The following RP1L1 variants were observed in gnomAD, a reference collection of about 807,000 sequenced individuals.
RP1L1 encodes the protein RP1 like 1, also known as retinitis pigmentosa 1-like 1 protein.
Under a neutral mutation model 15.7 loss-of-function variants are expected in RP1L1, and 27 were observed. The ratio of observed to expected loss-of-function variants is 1.72; its 90% CI spans 1.27 to 2.38. The LOEUF (loss-of-function observed/expected upper bound fraction) is 2.38. RP1L1 is among the 30% of genes most tolerant of loss of function. The pLI is 0.00. For synonymous variants in RP1L1, 1,813 were observed against 1,276.7 expected (o/e 1.42, Z -8.96); for missense variants, 4,798 against 3,075.9 (o/e 1.56, Z -13.24).
At chr8:10,645,845 C>G (rs1003432632) in intron 1 of RP1L1, among the ~76,000 whole-genome samples, 12 of 151,930 alleles carry the variant, frequency 7.9e-5, no homozygotes, top group African/African-American at 2.4e-4. Context: ...GAACCCTGCA[C>G]CAGGCTCCAC....
intron 2 of RP1L1, among the ~76,000 whole-genome samples, chr8:10,622,209 T>C (rs1003409132): frequency 1.3e-5 from 2 of 151,698 alleles, no homozygotes; most frequent in Middle Eastern, 3.2e-3. Context: ...TAATCCCAGC[T>C]ACTCAGAGGC....
rs771490489 is a variant in RP1L1 at position 10,616,603 on chromosome 8, G to A, written c.610-16C>T. ...GCGAGTCCACCTGAGGGAGGAGCGGGCGGGGTCAGGAGGCCTGGGCTGCAG... is the reference window on the plus strand; with the variant it reads ...GCGAGTCCACCTGAGGGAGGAGCGGACGGGGTCAGGAGGCCTGGGCTGCAG... On this transcript the variant is annotated splice_polypyrimidine_tract_variant and intron_variant, in intron 2 of 3. Coordinates refer to ENST00000382483, the MANE Select transcript of RP1L1 (RefSeq NM_178857.6). 2.2e-5 allele frequency: 35 copies of A among 1,605,982 alleles called. No individual in the cohort carries two copies. The highest frequency in any genetic ancestry group is 2.9e-5 in the Non-Finnish European group (34 of 1,178,428).
In RP1L1 at chr8:10,610,137, G is replaced by A. The variant is rs200373757; in HGVS notation, c.3961C>T (p.Gln1321Ter). 7 of 1,434,572 alleles carry A rather than the reference G, an allele frequency of 4.9e-6. 1 individual carries two copies. Among genetic ancestry groups the A allele is most frequent in the Admixed American group, 2.0e-5 (1 of 50,490 alleles). 88.9% of individuals were successfully genotyped at this position (1,434,572 alleles called of 1,614,324 possible). Residue 1321 changes from glutamine to a stop codon, truncating the protein, a stop_gained, in exon 4 of 4, where the codon CAG (glutamine) becomes TAG (stop). Transcript: ENST00000382483. LOFTEE classifies it low-confidence loss of function (END_TRUNC). ...TCTTCTGTTTTAGTTTCCTCTAACT[G>A]CACCGCCTCTTCTTGCAGCCCTTCT... ...EGEGLQEEAV[Q>*]LEETKTEEGL...
At chr8:10,653,396 C>A (rs1798590724) in intron 1 of RP1L1, among the ~76,000 whole-genome samples, 1 of 151,984 alleles carries the variant, frequency 6.6e-6, no homozygotes, top group Admixed American at 6.6e-5. Flanking sequence ...TGTTGCCAGC[C>A]ACAGTCTACA....
chr8:10,621,723 T>C (rs1346280788), intron 2 of RP1L1: 3 of 506,070 alleles, frequency 5.9e-6, no homozygotes, highest in South Asian at 1.5e-5. Flanking sequence ...TCAGTCAACC[T>C]CCATCCTCCA....
At chr8:10,632,196 G>A (rs1158686303) in intron 1 of RP1L1, among the ~76,000 whole-genome samples, 1 of 151,782 alleles carries the variant, frequency 6.6e-6, no homozygotes, top group East Asian at 1.9e-4. Context: ...GAAGCAACCA[G>A]GGGCACCAAT....
At chr8:10,632,821 C>G (rs1563136046) in intron 1 of RP1L1, among the ~76,000 whole-genome samples, 1 of 152,174 alleles carries the variant, frequency 6.6e-6, no homozygotes, top group African/African-American at 2.4e-5. Flanking sequence ...GAGTTGGAAG[C>G]CTTTGAAGAC....
rs1348418751 is a variant in RP1L1, at chr8:10,610,466, CCT to C, written c.3630_3631del (p.Ser1213Ter). On this transcript the variant is annotated frameshift_variant, in exon 4 of 4. Coordinates refer to ENST00000382483, the MANE Select transcript of RP1L1 (RefSeq NM_178857.6). LOFTEE classifies it low-confidence loss of function (END_TRUNC). ...CATGGCACAGGGTACGCTACTCTCC[CCT>C]GAGCCTCCAGAGCCGCTGCTGATGT... The C allele has an allele frequency of 8.1e-6, 13 of 1,613,654 alleles. No individual in the cohort carries two copies. Among genetic ancestry groups the C allele is most frequent in the Non-Finnish European group, 5.1e-6 (6 of 1,180,004 alleles).
intron 1 of RP1L1, among the ~76,000 whole-genome samples, chr8:10,627,970 AC>A (rs1798184061): frequency 6.6e-6 from 1 of 152,230 alleles, no homozygotes; most frequent in Admixed American, 6.5e-5. Flanking sequence ...AGACACAGAG[AC>A]TGAGGCACAG....
intron 1 of RP1L1, among the ~76,000 whole-genome samples, chr8:10,645,154 C>T (rs1798458274): frequency 6.6e-6 from 1 of 151,958 alleles, no homozygotes; most frequent in Non-Finnish European, 1.5e-5. Flanking sequence ...TAGCCAGATC[C>T]CATCTCTACA....
intron 1 of RP1L1, among the ~76,000 whole-genome samples, chr8:10,631,454 A>G (rs1210624336): frequency 1.3e-5 from 2 of 151,582 alleles, no homozygotes. Context: ...CACACACACT[A>G]TGGGTAGGGA....
intron 2 of RP1L1, 53 bp from the exon 3 acceptor site, chr8:10,616,640 C>T (rs1797971009): frequency 1.3e-5 from 20 of 1,565,038 alleles, no homozygotes; most frequent in Non-Finnish European, 1.7e-5. Context: ...AACCCCTCTA[C>T]CCTGAGGCCT....
intron 1 of RP1L1, among the ~76,000 whole-genome samples, chr8:10,642,515 T>C (rs1798422017): frequency 6.6e-6 from 1 of 152,232 alleles, no homozygotes; most frequent in African/African-American, 2.4e-5. Flanking sequence ...AACCTAGTAC[T>C]AAACACAAAA....
rs1797779660 is a variant in RP1L1 at position 10,609,317 on chromosome 8, G to A, written c.4781C>T (p.Ala1594Val). The change falls in exon 4 of 4, where the codon GCC becomes GTC. Residue 1594 changes from alanine to valine, a missense_variant. Ala to Val is a moderately conservative substitution (Grantham distance 64, BLOSUM62 0). Transcript: ENST00000382483. ...CTGCAGGAGCAGCTCCCCGGTGAGG[G>A]CCTCCCTTGGAGGCTCCAGCACCAT... ...GRMVLEPPRE[A>V]LTGELLLQTQ... 6 of 1,611,660 alleles carry A rather than the reference G, an allele frequency of 3.7e-6. No individual in the cohort carries two copies. The highest frequency in any genetic ancestry group is 3.4e-6 in the Non-Finnish European group (4 of 1,179,758).
At chr8:10,637,073 G>C (rs562745503) in intron 1 of RP1L1, among the ~76,000 whole-genome samples, 2 of 152,334 alleles carry the variant, frequency 1.3e-5, no homozygotes, top group East Asian at 1.9e-4. Context: ...GAGGGAGAGA[G>C]ACAGGCTGAG....
Position 10,607,697 on chromosome 8 carries a change from G to A in RP1L1, c.6401C>T (p.Ala2134Val). The A allele has an allele frequency of 6.2e-7, 1 of 1,602,558 alleles. No homozygotes were observed. Among genetic ancestry groups the A allele is most frequent in the Non-Finnish European group, 8.5e-7 (1 of 1,176,490 alleles). ...CTGGGCCTCCCCTTCAGCCTCTGGG[G>A]CCTCTATACCTTCTGACTCTGGCTG... ...EAQPESEGIE[A>V]PEAEGEAQPE... The change falls in exon 4 of 4, where the codon GCC becomes GTC. Residue 2134 changes from alanine (A) to valine (V), a missense_variant. By Grantham distance (64) the Ala-to-Val change is moderately conservative. Coordinates refer to ENST00000382483, the MANE Select transcript of RP1L1 (RefSeq NM_178857.6).
intron 2 of RP1L1, among the ~76,000 whole-genome samples, chr8:10,617,510 GTTTGTT>G (rs991527964): frequency 3.7e-5 from 5 of 134,374 alleles, no homozygotes; most frequent in East Asian, 2.3e-4. Flanking sequence ...GTAATTAGAA[GTTTGTT>G]TTTGTTTTTG....
intron 1 of RP1L1, among the ~76,000 whole-genome samples, chr8:10,650,216 G>A (rs1169930915): frequency 6.6e-6 from 1 of 152,180 alleles, no homozygotes; most frequent in East Asian, 1.9e-4. Context: ...TACTCATGAA[G>A]CCAGTGAGTT....
chr8:10,619,780 A>C (rs1035015670), intron 2 of RP1L1, among the ~76,000 whole-genome samples: 9 of 151,316 alleles, frequency 5.9e-5, no homozygotes, highest in South Asian at 2.1e-4. Flanking sequence ...TACAAAAAAA[A>C]CCCAAAACAA....
Sources: gnomAD v4.1 joint callset for allele counts (sites outside exome capture counted in the v4.1 genomes callset) on GRCh38, gnomAD v4.1.1 for gene constraint, MANE v1.5 for transcripts, NCBI Gene and HGNC (gene_info 2026-07-23, HGNC 2026-07-21) for gene names.